The following NHS variants were observed in gnomAD, a reference collection of about 807,000 sequenced individuals.
NHS encodes the protein NHS actin remodeling regulator.
In NHS, 5 loss-of-function variants were observed where a neutral mutation model predicts 72.5. The ratio of observed to expected loss-of-function variants is 0.07; its 90% CI spans 0.04 to 0.14. The LOEUF is 0.14. NHS is among the 10% of genes least tolerant of loss of function. The pLI, the probability that NHS is intolerant of heterozygous loss-of-function variation, is 1.00. For synonymous variants in NHS, 464 were observed against 547.7 expected (o/e 0.85, Z 2.13); for missense variants, 1,072 against 1,355.7 (o/e 0.79, Z 3.29).
chrX:17,652,848 G>A (rs370992802), intron 1 of NHS, among the ~76,000 whole-genome samples: 4 of 111,067 alleles, frequency 3.6e-5, no homozygotes, highest in Non-Finnish European at 7.6e-5. Context: ...ACTGTATGCC[G>A]AAAATATGTA....
intron 1 of NHS, among the ~76,000 whole-genome samples, chrX:17,631,210 T>C (rs2147068108): frequency 8.9e-6 from 1 of 112,255 alleles, no homozygotes; most frequent in Admixed American, 9.4e-5. Flanking sequence ...TAAATTTTTT[T>C]CATGTGTCCT....
intron 1 of NHS, among the ~76,000 whole-genome samples, chrX:17,677,641 G>A (rs773112094): frequency 9.9e-5 from 11 of 111,222 alleles, no homozygotes; most frequent in Middle Eastern, 4.6e-3. Context: ...ATGTGGCCTC[G>A]ACAGGGGTTT....
intron 1 of NHS, among the ~76,000 whole-genome samples, chrX:17,535,351 A>G (rs1192366807): frequency 9.0e-6 from 1 of 111,329 alleles, no homozygotes; most frequent in Non-Finnish European, 1.9e-5. Context: ...TGTGCCTACT[A>G]GAAGCAGTAA....
Position 17,440,874 on chromosome X carries a change from CA to C in NHS, c.565+64553del, listed in dbSNP as rs1436656492. 2.7e-5 allele frequency among the ~76,000 whole-genome samples: 3 copies of C among 111,689 alleles called. No homozygotes were observed. The East Asian group carries it at 8.5e-4, about 32-fold the overall frequency. ...AAGTTAGACAAAGATTTCTCTGGAT[CA>C]GAGTCAATGGTGCCATTGTTGCTGT... On this transcript the variant is annotated intron_variant, in intron 1 of 8. Coordinates refer to ENST00000676302, the MANE Select transcript of NHS (RefSeq NM_001291867.2).
chrX:17,576,962 A>G (rs894711956), intron 1 of NHS, among the ~76,000 whole-genome samples: 1 of 111,996 alleles, frequency 8.9e-6, no homozygotes, highest in Non-Finnish European at 1.9e-5. Context: ...AAACAAGGAA[A>G]GAAAGAAAAT....
chrX:17,712,393 C>T (rs189562463), intron 3 of NHS, among the ~76,000 whole-genome samples: 5,862 of 81,124 alleles, frequency 0.072, 418 homozygotes, highest in African/African-American at 0.18. Flanking sequence ...CACACACACA[C>T]ATATATATAT....
chrX:17,504,158 C>T (rs1228803077), intron 1 of NHS, among the ~76,000 whole-genome samples: 3 of 112,200 alleles, frequency 2.7e-5, no homozygotes, highest in African/African-American at 9.7e-5. Flanking sequence ...TTATTAGCAT[C>T]CCCTACAACC....
At chrX:17,608,334 C>T (rs563423269) in intron 1 of NHS, among the ~76,000 whole-genome samples, 11 of 111,955 alleles carry the variant, frequency 9.8e-5, no homozygotes, top group African/African-American at 1.3e-4. Context: ...GAACATGGGC[C>T]GCAAAACTCC....
chrX:17,422,049 T>C (rs907712623), intron 1 of NHS, among the ~76,000 whole-genome samples: 3 of 111,795 alleles, frequency 2.7e-5, no homozygotes, highest in African/African-American at 9.8e-5. Context: ...TCCAAAAAGT[T>C]CCTTCATGCA....
At chrX:17,559,239 T>C (rs1365556678) in intron 1 of NHS, among the ~76,000 whole-genome samples, 8 of 112,112 alleles carry the variant, frequency 7.1e-5, no homozygotes, top group Non-Finnish European at 5.6e-5. Flanking sequence ...CACCATGAGA[T>C]AGAGGTCCAT....
At chrX:17,555,843 G>A (rs771733482) in intron 1 of NHS, among the ~76,000 whole-genome samples, 4 of 111,790 alleles carry the variant, frequency 3.6e-5, no homozygotes, top group African/African-American at 9.8e-5. Context: ...AGTAGCAGGC[G>A]GCTTGCATCT....
At chrX:17,684,293 A>G (rs1307812490) in intron 1 of NHS, among the ~76,000 whole-genome samples, 3 of 112,213 alleles carry the variant, frequency 2.7e-5, no homozygotes, top group Admixed American at 9.4e-5. Flanking sequence ...CTATTATTGC[A>G]TAGCAAATCA....
At chrX:17,641,906 G>C (rs931471733) in intron 1 of NHS, among the ~76,000 whole-genome samples, 2 of 112,085 alleles carry the variant, frequency 1.8e-5, no homozygotes, top group Non-Finnish European at 3.8e-5. Context: ...TGAATTGGTA[G>C]AAATGTATTA....
At chrX:17,504,973 A>C (rs908224566) in intron 1 of NHS, among the ~76,000 whole-genome samples, 2 of 111,682 alleles carry the variant, frequency 1.8e-5, no homozygotes, top group African/African-American at 6.5e-5. Flanking sequence ...TAACAGGTTC[A>C]TGTGTATCAT....
Position 17,727,015 on chromosome X carries a change from C to A in NHS, c.2909C>A (p.Thr970Lys). ...TCTCTATCTAATTCAAGCACCGCTA[C>A]GGGTACCACAGTCATTGAATGCATC... ...YRSLSNSSTA[T>K]GTTVIECIKS... The change falls in exon 7 of 9, where the codon ACG becomes AAG. Residue 970 changes from threonine to lysine, a missense_variant. Thr to Lys is a moderately conservative substitution (Grantham distance 78). Transcript: ENST00000676302. 2 of 1,211,858 alleles carry A rather than the reference C, an allele frequency of 1.7e-6. No homozygotes were observed. Among genetic ancestry groups the A allele is most frequent in the Non-Finnish European group, 2.2e-6 (2 of 895,424 alleles).
intron 1 of NHS, among the ~76,000 whole-genome samples, chrX:17,597,716 A>T (rs1461934035): frequency 9.0e-6 from 1 of 110,669 alleles, no homozygotes; most frequent in Non-Finnish European, 1.9e-5. Flanking sequence ...AGGATTAGAT[A>T]AGAGGGAACT....
intron 1 of NHS, among the ~76,000 whole-genome samples, chrX:17,512,601 A>G (rs145834102): frequency 0.011 from 1,190 of 112,331 alleles, 7 homozygotes; most frequent in Non-Finnish European, 0.016. Context: ...AGCTGGGTGC[A>G]CTTTTCTGTG....
intron 1 of NHS, among the ~76,000 whole-genome samples, chrX:17,555,684 A>G (rs777361676): frequency 9.0e-4 from 101 of 111,660 alleles, no homozygotes; most frequent in African/African-American, 3.1e-3. Context: ...CACTCTTCCA[A>G]TCCTCACTGA....
At chrX:17,668,059 C>G in intron 1 of NHS, among the ~76,000 whole-genome samples, 1 of 104,080 alleles carries the variant, frequency 9.6e-6, no homozygotes, top group Non-Finnish European at 2.0e-5. Flanking sequence ...TGAGACCAGC[C>G]CTGGCAACAT....
Sources: gnomAD v4.1 joint callset for allele counts (sites outside exome capture counted in the v4.1 genomes callset) on GRCh38, gnomAD v4.1.1 for gene constraint, MANE v1.5 for transcripts, NCBI Gene and HGNC (gene_info 2026-07-23, HGNC 2026-07-21) for gene names.